Variants in REPS2 observed in about 807,000 individuals in gnomAD.
The protein encoded by REPS2 is ralBP1-associated Eps domain-containing protein 2.
A neutral mutation model predicts 53.6 loss-of-function variants in REPS2; 23 were observed. The observed-to-expected ratio is 0.43, with a 90% CI of 0.31 to 0.61. The LOEUF (loss-of-function observed/expected upper bound fraction) is 0.61, where lower values mean the gene tolerates loss of function less well. Among genes scored for constraint, REPS2 ranks in the 20% least tolerant of loss-of-function variants. The probability of loss-of-function intolerance (pLI) is 0.11; values close to 1 mark genes in which losing one functional copy is unlikely to be tolerated. For synonymous variants in REPS2, 238 were observed against 218.6 expected (o/e 1.09, Z -0.78); for missense variants, 446 against 534.9 (o/e 0.83, Z 1.64).
chrX:17,167,862 G>C, the REPS2 span, among the ~76,000 whole-genome samples: 1 of 110,444 alleles, frequency 9.1e-6, no homozygotes, highest in Non-Finnish European at 1.9e-5. Flanking sequence ...CAGCAGGGGA[G>C]ATTATACACA....
At chrX:17,022,500 GT>G (rs2061589755) in intron 3 of REPS2, 1 of 266,538 alleles carries the variant, frequency 3.8e-6, no homozygotes, top group East Asian at 5.7e-5. Context: ...GTAGAATTGT[GT>G]CTAAAATAAG....
At chrX:16,959,638 C>T (rs936511209) in intron 1 of REPS2, among the ~76,000 whole-genome samples, 1 of 111,571 alleles carries the variant, frequency 9.0e-6, no homozygotes, top group Non-Finnish European at 1.9e-5. Flanking sequence ...CAGTAGGATA[C>T]GATTTCTGTA....
chrX:16,968,689 CGGG>C (rs1439599195), intron 1 of REPS2, among the ~76,000 whole-genome samples: 2 of 82,905 alleles, frequency 2.4e-5, no homozygotes, highest in Non-Finnish European at 4.7e-5. Flanking sequence ...GCTGGCCGGG[CGGG>C]GGGCTGACCC....
intron 1 of REPS2, among the ~76,000 whole-genome samples, chrX:16,984,427 C>A (rs902791328): frequency 1.3e-4 from 15 of 111,918 alleles, no homozygotes; most frequent in Admixed American, 4.7e-4. Flanking sequence ...CACTTCTGCT[C>A]TTTTCTATTG....
chrX:17,074,295 C>G lies in REPS2; in HGVS notation c.1379+136C>G, dbSNP rs1011246941. 1.8e-5 allele frequency: 10 copies of G among 542,278 alleles called. No homozygotes were observed. In the East Asian group the frequency reaches 3.5e-4, roughly 19 times the overall value. The allele number at this position is 542,278 out of a possible 1,213,427, so 44.7% of individuals were successfully genotyped here. The stretch of plus-strand genomic sequence containing the variant: ...AGCTTAGGATATGAGCCATTTCGCT[C>G]GTGCATGGCCTGATGGGAACATGCA... On this transcript the variant is annotated intron_variant, in intron 12 of 17. Transcript: ENST00000357277.
intron 14 of REPS2, among the ~76,000 whole-genome samples, chrX:17,112,444 G>C (rs1257897771): frequency 2.7e-5 from 3 of 111,645 alleles, no homozygotes; most frequent in Non-Finnish European, 3.8e-5. Flanking sequence ...AGTGCACTTG[G>C]AATATTCTTC....
chrX:17,134,883 A>G (rs916368462), intron 15 of REPS2, among the ~76,000 whole-genome samples: 10 of 110,420 alleles, frequency 9.1e-5, no homozygotes, highest in African/African-American at 3.3e-4. Context: ...CGGCCTCCCA[A>G]AGTGCTGGGA....
intron 1 of REPS2, among the ~76,000 whole-genome samples, chrX:17,002,800 A>G (rs368991930): frequency 3.2e-4 from 36 of 112,074 alleles, no homozygotes; most frequent in African/African-American, 1.1e-3. Flanking sequence ...TAGGGCCAGG[A>G]TAAAGAATGG....
Position 17,152,366 on chromosome X carries a change from C to G in REPS2, c.*4885C>G, listed in dbSNP as rs1264324706. ...CATTGCAGGGTTTCAATACACAGGA[C>G]ATGTTCTAGTTACAGAAGCCTTGCT... On this transcript the variant is annotated 3_prime_UTR_variant, in exon 18 of 18. Coordinates refer to ENST00000357277, the MANE Select transcript of REPS2 (RefSeq NM_004726.3). The G allele has an allele frequency of 8.9e-6, 1 of 112,110 alleles. No homozygotes were observed. Among genetic ancestry groups the G allele is most frequent in the African/African-American group, 3.2e-5 (1 of 30,865 alleles). The allele number at this position is 112,110 out of a possible 1,213,427, so 9.2% of individuals were successfully genotyped here. A position where few individuals can be genotyped will look rare whatever the true frequency, so the allele number is the denominator to read the frequency against.
chrX:17,116,230 G>C (rs1233671091), intron 14 of REPS2, among the ~76,000 whole-genome samples: 1 of 103,681 alleles, frequency 9.6e-6, no homozygotes, highest in Non-Finnish European at 2.0e-5. Context: ...TTTCTTTTTT[G>C]AGACAGGGTC....
At chrX:16,986,463 A>G (rs1400208871) in intron 1 of REPS2, among the ~76,000 whole-genome samples, 1 of 112,243 alleles carries the variant, frequency 8.9e-6, no homozygotes, top group Non-Finnish European at 1.9e-5. Context: ...AAAGCAAGAG[A>G]ACAGAGGCAG....
chrX:17,037,807 A>G (rs1395113879), intron 5 of REPS2, among the ~76,000 whole-genome samples: 1 of 112,238 alleles, frequency 8.9e-6, no homozygotes, highest in Non-Finnish European at 1.9e-5. Flanking sequence ...GGTCTCAGTT[A>G]TATGCCAGGC....
chrX:16,974,137 C>G (rs1242999453), intron 1 of REPS2, among the ~76,000 whole-genome samples: 1 of 111,477 alleles, frequency 9.0e-6, no homozygotes, highest in Admixed American at 9.6e-5. Context: ...AGTATGCAGT[C>G]TGTATTCCAG....
In REPS2 at chrX:17,044,087, C is replaced by T. The variant is rs147965698; in HGVS notation, c.772-3260C>T. 6.3e-5 allele frequency among the ~76,000 whole-genome samples: 7 copies of T among 111,941 alleles called. No homozygotes were observed. The East Asian group carries it at 2.0e-3, about 31-fold the overall frequency. On this transcript the variant is annotated intron_variant, in intron 5 of 17. Coordinates refer to ENST00000357277, the MANE Select transcript of REPS2 (RefSeq NM_004726.3). ...CTTTTAAGCAGAGGAGTTAATCACC[C>T]CCTTCTGTTCATTCCTGATTTCTGT...
downstream of REPS2, among the ~76,000 whole-genome samples, chrX:17,153,955 A>G (rs1248182686): frequency 1.8e-5 from 2 of 111,328 alleles, no homozygotes; most frequent in African/African-American, 6.5e-5. Context: ...TAATCTATGC[A>G]AGCGGTTCTC....
chrX:17,083,298 A>G (rs1208779574), intron 13 of REPS2, among the ~76,000 whole-genome samples: 1 of 109,542 alleles, frequency 9.1e-6, no homozygotes, highest in African/African-American at 3.3e-5. Flanking sequence ...GTTAGCCAGG[A>G]TGGTCTCAAT....
chrX:16,986,800 C>T (rs1352282614), intron 1 of REPS2, among the ~76,000 whole-genome samples: 1 of 111,116 alleles, frequency 9.0e-6, no homozygotes, highest in Non-Finnish European at 1.9e-5. Context: ...TCCCACATCC[C>T]AGGAACTTAC....
At chrX:17,189,182 A>G in the REPS2 span, among the ~76,000 whole-genome samples, 1 of 112,023 alleles carries the variant, frequency 8.9e-6, no homozygotes, top group Non-Finnish European at 1.9e-5. Flanking sequence ...ATCTAACGCA[A>G]GAGAAACCTT....
At chrX:17,111,643 C>T (rs1028261455) in intron 14 of REPS2, among the ~76,000 whole-genome samples, 4 of 111,969 alleles carry the variant, frequency 3.6e-5, no homozygotes, top group African/African-American at 1.3e-4. Flanking sequence ...AGCTGTACCA[C>T]ACTGTGCTGA....
Sources: gnomAD v4.1 joint callset for allele counts (sites outside exome capture counted in the v4.1 genomes callset) on GRCh38, gnomAD v4.1.1 for gene constraint, MANE v1.5 for transcripts, NCBI Gene and HGNC (gene_info 2026-07-23, HGNC 2026-07-21) for gene names.